VAV2: variants seen among roughly 807,000 people sequenced by gnomAD.
The protein encoded by VAV2 is vav guanine nucleotide exchange factor 2, also known as guanine nucleotide exchange factor VAV2.
VAV2 carries 67 observed loss-of-function variants against 132.5 expected under a neutral mutation model. The observed-to-expected ratio is 0.51, with a 90% CI of 0.42 to 0.62. The LOEUF (loss-of-function observed/expected upper bound fraction) is 0.62, where lower values mean the gene tolerates loss of function less well. VAV2 is among the 20% of genes least tolerant of loss of function. VAV2 has a pLI of 0.00. For synonymous variants in VAV2, 492 were observed against 443.5 expected (o/e 1.11, Z -1.37); for missense variants, 938 against 1,153.6 (o/e 0.81, Z 2.71).
chr9:133,957,755 G>C (rs889356016), intron 1 of VAV2, among the ~76,000 whole-genome samples: 9 of 152,216 alleles, frequency 5.9e-5, no homozygotes, highest in African/African-American at 2.2e-4. Context: ...GCCAAGATGA[G>C]CTCCACCAAG....
chr9:133,975,304 C>A (rs1300299100), intron 1 of VAV2, among the ~76,000 whole-genome samples: 1 of 152,184 alleles, frequency 6.6e-6, no homozygotes, highest in Non-Finnish European at 1.5e-5. Flanking sequence ...AGCCTGTCAC[C>A]CACAGCAGGA....
chr9:133,776,717 T>C (rs1011155031), intron 23 of VAV2, among the ~76,000 whole-genome samples: 6 of 152,168 alleles, frequency 3.9e-5, no homozygotes, highest in Non-Finnish European at 7.4e-5. Flanking sequence ...CCCTAAGTGC[T>C]GAGCACCTGC....
At chr9:133,851,087 A>G (rs912096080) in intron 3 of VAV2, among the ~76,000 whole-genome samples, 1 of 152,224 alleles carries the variant, frequency 6.6e-6, no homozygotes, top group Non-Finnish European at 1.5e-5. Flanking sequence ...ACTTTCATGG[A>G]CAGTCATGCC....
Position 133,912,513 on chromosome 9 carries a change from C to T in VAV2, c.321+26590G>A, listed in dbSNP as rs1391211617. On this transcript the variant is annotated intron_variant, in intron 2 of 29. Coordinates refer to ENST00000371850, the MANE Select transcript of VAV2 (RefSeq NM_001134398.2). The surrounding 1 kb of genome is among the most constrained non-coding windows in gnomAD (Gnocchi z 4.3). ...ACCCATATGTCACTGGTGCTGGGTCCGAGCATGGGAGCTGCAGCCAAATTC... is the reference window on the plus strand; with the variant it reads ...ACCCATATGTCACTGGTGCTGGGTCTGAGCATGGGAGCTGCAGCCAAATTC... Among the ~76,000 whole-genome samples the T allele has an allele frequency of 1.1e-4, 16 of 152,090 alleles. No homozygotes were observed. The highest frequency in any genetic ancestry group is 8.5e-4 in the Admixed American group (13 of 15,266).
chr9:133,778,320 G>T (rs141054086), intron 22 of VAV2, among the ~76,000 whole-genome samples: 1 of 152,290 alleles, frequency 6.6e-6, no homozygotes, highest in Non-Finnish European at 1.5e-5. Flanking sequence ...GAGCGAACCT[G>T]CCCGCTCACC....
intron 2 of VAV2, among the ~76,000 whole-genome samples, chr9:133,878,339 G>C (rs569805264): frequency 1.8e-4 from 27 of 152,324 alleles, no homozygotes; most frequent in African/African-American, 6.3e-4. Context: ...GCACGATCGA[G>C]GCTGTGTGTT....
At chr9:133,966,940 C>T (rs1269096424) in intron 1 of VAV2, among the ~76,000 whole-genome samples, 1 of 145,298 alleles carries the variant, frequency 6.9e-6, no homozygotes, top group Non-Finnish European at 1.5e-5. Context: ...GAGGCTGAGG[C>T]AGGAGAATTG....
chr9:133,963,739 T>C (rs695067), intron 1 of VAV2, among the ~76,000 whole-genome samples: 98,822 of 151,874 alleles, frequency 0.65, 32,736 homozygotes, highest in East Asian at 0.81. Context: ...AAAAAATGCC[T>C]GTGAAACTCT....
intron 17 of VAV2, among the ~76,000 whole-genome samples, chr9:133,784,841 A>G (rs372660236): frequency 1.3e-5 from 2 of 152,116 alleles, no homozygotes; most frequent in East Asian, 3.9e-4. Context: ...CTGGTGTGCA[A>G]TTCACTTTGA....
Position 133,966,908 on chromosome 9 carries a change from G to A in VAV2, c.204+25167C>T, listed in dbSNP as rs147275818. 6.7e-3 allele frequency among the ~76,000 whole-genome samples: 1,016 copies of A among 151,364 alleles called. 14 individuals carry two copies. Among genetic ancestry groups the A allele is most frequent in the African/African-American group, 0.023 (949 of 41,210 alleles). Reference sequence around the variant, plus strand: ...AAATCAGTTGGGCTTGGTGGCGGGCGCCTGCAATCCCAGCTACTTGGGAGG... The same window carrying A: ...AAATCAGTTGGGCTTGGTGGCGGGCACCTGCAATCCCAGCTACTTGGGAGG... On this transcript the variant is annotated intron_variant, in intron 1 of 29. Transcript: ENST00000371850.
intron 2 of VAV2, among the ~76,000 whole-genome samples, chr9:133,929,538 G>C (rs1411059572): frequency 2.6e-5 from 4 of 152,128 alleles, no homozygotes; most frequent in South Asian, 2.1e-4. Context: ...AAGGCTGATA[G>C]ACAAGGGTCC....
At chr9:133,893,429 G>A (rs533077509) in intron 2 of VAV2, among the ~76,000 whole-genome samples, 2 of 152,232 alleles carry the variant, frequency 1.3e-5, no homozygotes, top group African/African-American at 2.4e-5. Flanking sequence ...CAGCGTGGAG[G>A]AGGAGGCCCT....
chr9:133,910,811 G>A lies in VAV2; in HGVS notation c.321+28292C>T, dbSNP rs565161423. ...TGCACCCCAGCCTGGGCGACAGAGC[G>A]AGACTCGGTCTCAAAAAAAAAAAAA... On this transcript the variant is annotated intron_variant, in intron 2 of 29. Transcript: ENST00000371850. 1.2e-3 allele frequency among the ~76,000 whole-genome samples: 158 copies of A among 128,656 alleles called. 2 individuals are homozygous for A. Among genetic ancestry groups the A allele is most frequent in the East Asian group, 6.1e-3 (26 of 4,270 alleles). 84.4% of individuals were successfully genotyped at this position (128,656 alleles called of 152,430 possible).
intron 25 of VAV2, among the ~76,000 whole-genome samples, chr9:133,772,403 G>A (rs1021931179): frequency 2.6e-5 from 4 of 152,190 alleles, no homozygotes; most frequent in African/African-American, 9.7e-5. Flanking sequence ...GCCCAGCCCT[G>A]ACATCTCCTG....
At chr9:133,789,192 C>G (rs1410336730) in intron 14 of VAV2, 66 bp downstream of exon 14, 1 of 1,578,536 alleles carries the variant, frequency 6.3e-7, no homozygotes, top group African/African-American at 1.4e-5. Flanking sequence ...TTAGGAGTGG[C>G]TCCCTGGGAG....
At chr9:133,983,035 A>C (rs1348322241) in intron 1 of VAV2, among the ~76,000 whole-genome samples, 1 of 152,196 alleles carries the variant, frequency 6.6e-6, no homozygotes, top group African/African-American at 2.4e-5. Flanking sequence ...GAGAGACGGC[A>C]GTGGCCGGGC....
intron 1 of VAV2, among the ~76,000 whole-genome samples, chr9:133,959,783 A>G (rs1841906835): frequency 6.6e-6 from 1 of 152,170 alleles, no homozygotes; most frequent in Non-Finnish European, 1.5e-5. Flanking sequence ...AGGCACAGGG[A>G]TGAGGCCCTG....
chr9:133,768,459 C>A lies in VAV2; in HGVS notation c.2572G>T (p.Gly858Cys), dbSNP rs1350779241. The A allele has an allele frequency of 6.2e-7, 1 of 1,613,588 alleles. No individual in the cohort carries two copies. The change falls in exon 29 of 30, where the codon GGC becomes TGC. Residue 858 changes from glycine to cysteine, a missense_variant. Physicochemically the swap from Gly to Cys is radical, Grantham distance 159. Coordinates refer to ENST00000371850, the MANE Select transcript of VAV2 (RefSeq NM_001134398.2). The surrounding 1 kb of genome is among the most constrained non-coding windows in gnomAD (Gnocchi z 5.3). ...CCACTCACCCGTCCGTTGGTCTCGC[C>A]CTTCCACCAGCCCTGGTCTCCGCCG... ...RIGGDQGWWK[G>C]ETNGRIGWFP... is the part of the protein sequence containing the mutation.
In VAV2 at chr9:133,863,673, G is replaced by C. The variant is rs889374878; in HGVS notation, c.322-2241C>G. Among the ~76,000 whole-genome samples, 2 of 152,188 alleles carry C rather than the reference G, an allele frequency of 1.3e-5. No homozygotes were observed. Among genetic ancestry groups the C allele is most frequent in the African/African-American group, 4.8e-5 (2 of 41,446 alleles). ...CATCGATGGGGCAGCCCCTTCCATG[G>C]GTTCAGCATGGCCAGCTATGCTGGA... On this transcript the variant is annotated intron_variant, in intron 2 of 29. Coordinates refer to ENST00000371850, the MANE Select transcript of VAV2 (RefSeq NM_001134398.2). This position sits in a 1 kb window ranked among gnomAD's most constrained non-coding sequence, Gnocchi z 5.0.
Sources: allele counts gnomAD v4.1 joint callset (sites outside exome capture counted in the v4.1 genomes callset), GRCh38; gene constraint gnomAD v4.1.1; non-coding constraint Gnocchi (gnomAD v3.1); transcripts MANE v1.5; gene names NCBI Gene and HGNC (gene_info 2026-07-23, HGNC 2026-07-21).